The following SLC2A9 variants were observed in gnomAD, a reference collection of about 807,000 sequenced individuals.
SLC2A9 encodes the protein solute carrier family 2, facilitated glucose transporter member 9.
In SLC2A9, 39 loss-of-function variants were observed where a neutral mutation model predicts 50.6. The ratio of observed to expected loss-of-function variants is 0.77; its 90% CI spans 0.60 to 1.01. The LOEUF (loss-of-function observed/expected upper bound fraction) is 1.01. Ranked by LOEUF, SLC2A9 falls within the 50% of genes least tolerant of loss-of-function variation. The pLI is 0.00. For missense variants in SLC2A9, 686 were observed against 677.6 expected (o/e 1.01, Z -0.14); for synonymous variants, 324 against 276.9 (o/e 1.17, Z -1.69).
intron 10 of SLC2A9, among the ~76,000 whole-genome samples, chr4:9,873,646 G>A (rs1057048521): frequency 7.9e-5 from 12 of 152,320 alleles, no homozygotes; most frequent in Non-Finnish European, 1.5e-4. Flanking sequence ...CCAGACCAAT[G>A]AGTGAGGCTA....
At chr4:9,783,029 C>G in intron 3 of SLC2A9, 1 of 1,614,240 alleles carries the variant, frequency 6.2e-7, no homozygotes, top group Non-Finnish European at 8.5e-7. Flanking sequence ...GGCCGGCTTC[C>G]CCTGCGTCAG....
intron 8 of SLC2A9, among the ~76,000 whole-genome samples, chr4:9,897,927 C>T (rs919306001): frequency 6.6e-6 from 1 of 152,066 alleles, no homozygotes; most frequent in Non-Finnish European, 1.5e-5. Context: ...AAAAGACATA[C>T]ACAGACAGAA....
chr4:9,819,242 T>C (rs372121580), intron 3 of SLC2A9, among the ~76,000 whole-genome samples: 1 of 150,284 alleles, frequency 6.7e-6, no homozygotes, highest in African/African-American at 2.5e-5. Context: ...ACAGAAACAA[T>C]ATTTTGATCA....
chr4:9,926,177 G>A (rs139239371), intron 6 of SLC2A9, among the ~76,000 whole-genome samples: 30 of 152,124 alleles, frequency 2.0e-4, no homozygotes, highest in African/African-American at 5.3e-4. Flanking sequence ...TGGTACAGTG[G>A]GAGAGGGCAG....
intron 5 of SLC2A9, among the ~76,000 whole-genome samples, chr4:9,945,514 C>T (rs1456316945): frequency 6.6e-6 from 1 of 152,220 alleles, no homozygotes; most frequent in Admixed American, 6.5e-5. Flanking sequence ...ATATTAACTG[C>T]AGCACAGAGG....
At chr4:9,976,503 A>C (rs1754826734) in intron 5 of SLC2A9, among the ~76,000 whole-genome samples, 1 of 152,202 alleles carries the variant, frequency 6.6e-6, no homozygotes, top group Non-Finnish European at 1.5e-5. Context: ...CATGAATAAA[A>C]ATTTCCCATT....
At chr4:9,917,349 T>TG (rs1743052409) in intron 7 of SLC2A9, among the ~76,000 whole-genome samples, 1 of 141,822 alleles carries the variant, frequency 7.1e-6, no homozygotes, top group Non-Finnish European at 1.5e-5. Flanking sequence ...TTTTTTTTTT[T>TG]TGTGATGGAG....
At chr4:9,902,769 T>C (rs182621536) in intron 8 of SLC2A9, among the ~76,000 whole-genome samples, 2 of 152,362 alleles carry the variant, frequency 1.3e-5, no homozygotes, top group Admixed American at 1.3e-4. Context: ...GGGCCCACCC[T>C]ATTCCAGTAT....
At chr4:9,977,802 T>G (rs1755053126) in intron 5 of SLC2A9, among the ~76,000 whole-genome samples, 1 of 152,246 alleles carries the variant, frequency 6.6e-6, no homozygotes, top group Middle Eastern at 3.4e-3. Context: ...CATTGGTCAA[T>G]TGCCCTCCTG....
downstream of SLC2A9, among the ~76,000 whole-genome samples, chr4:9,794,315 C>T (rs192105218): frequency 4.6e-5 from 7 of 152,250 alleles, no homozygotes; most frequent in South Asian, 2.1e-4. Context: ...CCACCACGCC[C>T]GGCTAATTTT....
chr4:9,866,455 T>C (rs1020519367), intron 10 of SLC2A9, among the ~76,000 whole-genome samples: 9 of 150,688 alleles, frequency 6.0e-5, no homozygotes, highest in South Asian at 2.1e-4. Flanking sequence ...TCTGTGGCCA[T>C]GGAGTTTGCT....
chr4:9,850,072 G>A (rs1729620401), intron 10 of SLC2A9, among the ~76,000 whole-genome samples: 1 of 151,884 alleles, frequency 6.6e-6, no homozygotes, highest in African/African-American at 2.4e-5. Context: ...GTGGATAGAG[G>A]GAGGATACAG....
At chr4:9,819,116 CAA>C (rs60751108) in intron 3 of SLC2A9, among the ~76,000 whole-genome samples, 1,300 of 57,310 alleles carry the variant, frequency 0.023, 15 homozygotes, top group African/African-American at 0.064. Context: ...GAGACTGTCT[CAA>C]AAAAAAAAAA....
rs527387577 is a variant in SLC2A9 at position 9,967,574 on chromosome 4, C to T, written c.681+13018G>A. Among the ~76,000 whole-genome samples, 119 of 151,664 alleles carry T rather than the reference C, an allele frequency of 7.8e-4. 1 individual carries two copies. The highest frequency in any genetic ancestry group is 2.7e-3 in the African/African-American group (112 of 41,410). ...AAATTATAAGACAAAATATGTACTT[C>T]ATTTAAAAATAATTTTTTTAAATTA... On this transcript the variant is annotated intron_variant, in intron 5 of 11. Coordinates refer to ENST00000264784, the MANE Select transcript of SLC2A9 (RefSeq NM_020041.3).
rs114556611 is a variant in SLC2A9, at chr4:9,827,158, G to C, written c.1420-558C>G. 5.6e-3 allele frequency among the ~76,000 whole-genome samples: 859 copies of C among 152,334 alleles called. 9 individuals are homozygous for C. Among genetic ancestry groups the C allele is most frequent in the African/African-American group, 0.02 (812 of 41,588 alleles). The stretch of plus-strand genomic sequence containing the variant: ...TAGAAATGCTCAATGCAATCACTCC[G>C]TTTTATGTATCCTGATTAGTGTTTG... On this transcript the variant is annotated intron_variant, in intron 11 of 11. Transcript: ENST00000264784.
intron 8 of SLC2A9, among the ~76,000 whole-genome samples, chr4:9,894,068 C>T (rs1159020173): frequency 6.6e-6 from 1 of 152,196 alleles, no homozygotes; most frequent in Non-Finnish European, 1.5e-5. Flanking sequence ...CACCCTTGGA[C>T]TCAGTCACTC....
chr4:9,811,329 T>A (rs2108992508), intron 3 of SLC2A9, among the ~76,000 whole-genome samples: 1 of 152,378 alleles, frequency 6.6e-6, no homozygotes, highest in East Asian at 1.9e-4. Flanking sequence ...AAATTCGGGC[T>A]GGTCCCATGA....
chr4:9,898,890 G>A (rs1000267819), intron 8 of SLC2A9, among the ~76,000 whole-genome samples: 1 of 152,136 alleles, frequency 6.6e-6, no homozygotes, highest in African/African-American at 2.4e-5. Context: ...GGCTTTACTA[G>A]AGCCGTACTC....
At chr4:9,962,425 G>C (rs986834481) in intron 5 of SLC2A9, among the ~76,000 whole-genome samples, 1 of 152,196 alleles carries the variant, frequency 6.6e-6, no homozygotes, top group Non-Finnish European at 1.5e-5. Context: ...CAGGGACATG[G>C]ATGGAGCTGG....
Sources: gnomAD v4.1 joint callset for allele counts (sites outside exome capture counted in the v4.1 genomes callset) on GRCh38, gnomAD v4.1.1 for gene constraint, MANE v1.5 for transcripts, NCBI Gene and HGNC (gene_info 2026-07-23, HGNC 2026-07-21) for gene names.